AK9: variants seen among roughly 807,000 people sequenced by gnomAD.
AK9 encodes adenylate kinase 9.
Under a neutral mutation model 239.6 loss-of-function variants are expected in AK9, and 191 were observed. The ratio of observed to expected loss-of-function variants is 0.80; its 90% CI spans 0.71 to 0.90. The LOEUF (loss-of-function observed/expected upper bound fraction) is 0.90, where lower values mean the gene tolerates loss of function less well. Among genes scored for constraint, AK9 ranks in the 40% least tolerant of loss-of-function variants. The probability of loss-of-function intolerance (pLI) is 0.00; values close to 1 mark genes in which losing one functional copy is unlikely to be tolerated. For missense variants in AK9, 1,995 were observed against 2,214.7 expected, an observed-to-expected ratio of 0.90 and a Z score of 1.99; for synonymous variants, 689 against 721.0, an observed-to-expected ratio of 0.96 and a Z score of 0.71.
intron 38 of AK9, among the ~76,000 whole-genome samples, chr6:109,497,028 G>A (rs540434476): frequency 5.3e-5 from 8 of 151,930 alleles, no homozygotes; most frequent in Non-Finnish European, 1.0e-4. Context: ...CCTTCACTCC[G>A]TCCCCTCTCC....
intron 20 of AK9, among the ~76,000 whole-genome samples, chr6:109,575,134 T>C (rs571129443): frequency 6.6e-6 from 1 of 152,312 alleles, no homozygotes; most frequent in East Asian, 1.9e-4. Flanking sequence ...TGTGCTGCTA[T>C]AAACGTGTGT....
Position 109,614,587 on chromosome 6 carries a change from T to C in AK9, c.1400-107A>G, listed in dbSNP as rs540985157. On this transcript the variant is annotated intron_variant, in intron 13 of 40. Transcript: ENST00000424296. ...AAAGTTAGACACAGTTGAGTTTCAGTTCTGACTTATAAGCTGTAAGGGCTG... is the reference window on the plus strand; with the variant it reads ...AAAGTTAGACACAGTTGAGTTTCAGCTCTGACTTATAAGCTGTAAGGGCTG... 2.0e-5 allele frequency: 17 copies of C among 863,636 alleles called. No homozygotes were observed. In the African/African-American group the frequency reaches 2.5e-4, roughly 13 times the overall value. The allele number at this position is 863,636 out of a possible 1,614,324, so 53.5% of individuals were successfully genotyped here. A position where few individuals can be genotyped will look rare whatever the true frequency, so the allele number is the denominator to read the frequency against.
In AK9 at chr6:109,641,554, C is replaced by A; in HGVS notation, c.897G>T (p.Gln299His). The A allele has an allele frequency of 6.2e-7, 1 of 1,613,600 alleles. No individual in the cohort carries two copies. The highest frequency in any genetic ancestry group is 8.5e-7 in the Non-Finnish European group (1 of 1,179,652). Residue 299 changes from glutamine to histidine, a missense_variant, in exon 10 of 41, where the codon CAG becomes CAT. Gln to His is a conservative substitution (Grantham distance 24, BLOSUM62 0). Transcript: ENST00000424296. ...TGTCATTAATTTCTTCCTCTGCACC[C>A]TGAAGTTTGGTTAGAATAGCTGCTC... ...LKRAAILTKLQGAEEEINDTM... is the reference protein window; with the variant it reads ...LKRAAILTKLHGAEEEINDTM...
intron 27 of AK9, among the ~76,000 whole-genome samples, chr6:109,539,785 T>C (rs1261653175): frequency 6.6e-6 from 1 of 152,228 alleles, no homozygotes; most frequent in Non-Finnish European, 1.5e-5. Flanking sequence ...GGTTTTGGTG[T>C]GGATGTCCTT....
chr6:109,561,585 A>G (rs1785786104), intron 24 of AK9, among the ~76,000 whole-genome samples: 1 of 152,140 alleles, frequency 6.6e-6, no homozygotes, highest in Non-Finnish European at 1.5e-5. Flanking sequence ...AAGTGCTGGG[A>G]TTACAGGCAT....
chr6:109,650,982 C>G (rs1252437623), intron 8 of AK9, among the ~76,000 whole-genome samples: 1 of 151,398 alleles, frequency 6.6e-6, no homozygotes, highest in Non-Finnish European at 1.5e-5. Flanking sequence ...ATCGCAAGGA[C>G]AAAAAACCAA....
intron 25 of AK9, 138 bp from the exon 26 acceptor site, chr6:109,546,265 A>C (rs2128156766): frequency 1.4e-6 from 1 of 726,612 alleles, no homozygotes. Context: ...CATGAACTCA[A>C]GGATGCTTAG....
intron 17 of AK9, among the ~76,000 whole-genome samples, chr6:109,604,410 T>G (rs1792562249): frequency 1.3e-5 from 2 of 152,224 alleles, no homozygotes; most frequent in South Asian, 4.1e-4. Context: ...GAATTTATTT[T>G]TATTTTGATA....
intron 24 of AK9, among the ~76,000 whole-genome samples, chr6:109,560,839 T>C (rs373929370): frequency 9.2e-5 from 14 of 152,328 alleles, no homozygotes; most frequent in African/African-American, 3.4e-4. Flanking sequence ...TTGTATAGAA[T>C]TGGTTTTCTT....
intron 5 of AK9, among the ~76,000 whole-genome samples, chr6:109,671,422 T>A (rs961327530): frequency 6.6e-6 from 1 of 152,176 alleles, no homozygotes; most frequent in East Asian, 1.9e-4. Context: ...TTGCTCAGCA[T>A]CCATTTGAGT....
Position 109,540,942 on chromosome 6 carries a change from A to T in AK9, c.3350+1105T>A, listed in dbSNP as rs145688450. 2.9e-3 allele frequency among the ~76,000 whole-genome samples: 445 copies of T among 152,194 alleles called. 3 individuals are homozygous for T. The highest frequency in any genetic ancestry group is 0.01 in the African/African-American group (432 of 41,534). The stretch of plus-strand genomic sequence containing the variant: ...ATTATACACACATTATACTGTCAAA[A>T]ATCATACTGTTAGCCTTCCAAACTG... On this transcript the variant is annotated intron_variant, in intron 27 of 40. Transcript: ENST00000424296.
intron 1 of AK9, among the ~76,000 whole-genome samples, chr6:109,688,975 G>A (rs74900254): frequency 0.036 from 5,421 of 152,192 alleles, 317 homozygotes; most frequent in African/African-American, 0.13. Context: ...CCAGTGAATG[G>A]GTAATTGCAG....
At position 109,567,252 on chromosome 6, in the gene AK9, C is replaced by T. The variant is rs549812598; in HGVS notation, c.2345-2407G>A. 5.3e-5 allele frequency among the ~76,000 whole-genome samples: 8 copies of T among 152,152 alleles called. No individual in the cohort carries two copies. The South Asian group carries it at 1.0e-3, about 20-fold the overall frequency. On this transcript the variant is annotated intron_variant, in intron 21 of 40. Coordinates refer to ENST00000424296, the MANE Select transcript of AK9 (RefSeq NM_001145128.3). Reference sequence around the variant, plus strand: ...ACAAAAAATGATAAAGGGGATATCACCACTAATCCCACAGAAATACAAACT... The same window carrying T: ...ACAAAAAATGATAAAGGGGATATCATCACTAATCCCACAGAAATACAAACT...
intron 13 of AK9, among the ~76,000 whole-genome samples, chr6:109,616,328 G>C (rs1410006368): frequency 6.6e-6 from 1 of 152,026 alleles, no homozygotes; most frequent in African/African-American, 2.4e-5. Context: ...AAATCAATAG[G>C]TCAAAGGATT....
intron 33 of AK9, among the ~76,000 whole-genome samples, chr6:109,507,848 C>CT (rs1778272240): frequency 6.6e-6 from 1 of 152,214 alleles, no homozygotes; most frequent in African/African-American, 2.4e-5. Context: ...GTAACAATAA[C>CT]TGAGTCCTGG....
intron 12 of AK9, among the ~76,000 whole-genome samples, chr6:109,620,191 G>C (rs1794647802): frequency 6.6e-6 from 1 of 152,054 alleles, no homozygotes; most frequent in Non-Finnish European, 1.5e-5. Context: ...AAATTCCTGG[G>C]TCATATGGTA....
intron 35 of AK9, 49 bp from the exon 36 acceptor site, chr6:109,499,289 A>G (rs191266000): frequency 7.6e-7 from 1 of 1,313,238 alleles, no homozygotes; most frequent in East Asian, 2.8e-5. Context: ...TTCATAGAGA[A>G]CGCAATGATT....
chr6:109,678,745 A>C (rs2128346588), intron 1 of AK9, among the ~76,000 whole-genome samples: 1 of 152,182 alleles, frequency 6.6e-6, no homozygotes, highest in Non-Finnish European at 1.5e-5. Flanking sequence ...CTGCATTTGC[A>C]ACTGAGGTAC....
chr6:109,535,915 T>C (rs961074791), intron 27 of AK9, among the ~76,000 whole-genome samples: 12 of 152,214 alleles, frequency 7.9e-5, no homozygotes, highest in African/African-American at 2.9e-4. Context: ...CAGATGGTTG[T>C]AGATGTGTGG....
Sources: allele counts gnomAD v4.1 joint callset (sites outside exome capture counted in the v4.1 genomes callset), GRCh38; gene constraint gnomAD v4.1.1; transcripts MANE v1.5; gene names NCBI Gene and HGNC (gene_info 2026-07-23, HGNC 2026-07-21).